The following MCC variants were observed in gnomAD, a reference collection of about 807,000 sequenced individuals.
MCC encodes the protein MCC regulator of Wnt signaling pathway.
A neutral mutation model predicts 116.2 loss-of-function variants in MCC; 90 were observed. The observed-to-expected ratio is 0.77, with a 90% CI of 0.65 to 0.92. The LOEUF is 0.92. MCC is among the 40% of genes least tolerant of loss of function. The probability of loss-of-function intolerance (pLI) is 0.00; values close to 1 mark genes in which losing one functional copy is unlikely to be tolerated. For missense variants in MCC, 1,516 were observed against 1,312.2 expected (o/e 1.16, Z -2.40); for synonymous variants, 578 against 510.5 (o/e 1.13, Z -1.78).
At chr5:113,140,870 G>A (rs1759137070) in intron 5 of MCC, among the ~76,000 whole-genome samples, 1 of 152,134 alleles carries the variant, frequency 6.6e-6, no homozygotes, top group African/African-American at 2.4e-5. Flanking sequence ...ACTGCATTTG[G>A]CCCATCACAG....
At chr5:113,433,447 G>A in intron 1 of MCC, 1 of 608,328 alleles carries the variant, frequency 1.6e-6, no homozygotes, top group South Asian at 1.9e-5. Flanking sequence ...GTTGCGGCCA[G>A]TGGGGACCCT....
chr5:113,334,669 C>A (rs1767828205), intron 3 of MCC, among the ~76,000 whole-genome samples: 1 of 146,872 alleles, frequency 6.8e-6, no homozygotes, highest in African/African-American at 2.6e-5. Flanking sequence ...CAGCTCACTG[C>A]AACCTCCGCC....
chr5:113,150,713 C>G (rs4705797), intron 4 of MCC, among the ~76,000 whole-genome samples: 73,113 of 151,878 alleles, frequency 0.48, 19,887 homozygotes, highest in East Asian at 0.67. Context: ...ATGTAACATA[C>G]AAATGATAGA....
intron 17 of MCC, among the ~76,000 whole-genome samples, chr5:113,034,824 T>C (rs909735129): frequency 6.6e-5 from 10 of 152,350 alleles, no homozygotes; most frequent in African/African-American, 2.4e-4. Flanking sequence ...CCGCATCACC[T>C]GCAGGGCTGA....
intron 3 of MCC, among the ~76,000 whole-genome samples, chr5:113,221,450 A>G (rs1763548940): frequency 6.6e-6 from 1 of 152,214 alleles, no homozygotes; most frequent in Non-Finnish European, 1.5e-5. Flanking sequence ...TTCCCAAAAC[A>G]ATTCCCCTTC....
intron 1 of MCC, among the ~76,000 whole-genome samples, chr5:113,386,084 A>C (rs1769248267): frequency 6.6e-6 from 1 of 152,182 alleles, no homozygotes; most frequent in African/African-American, 2.4e-5. Context: ...TTTTCTCTCT[A>C]CCTAACCTCC....
chr5:113,409,186 A>T (rs528319969), intron 1 of MCC, among the ~76,000 whole-genome samples: 3 of 152,284 alleles, frequency 2.0e-5, no homozygotes, highest in Admixed American at 2.0e-4. Context: ...TGTAAAATGC[A>T]TATTAGCACT....
At chr5:113,128,092 A>C (rs2150274699) in intron 5 of MCC, among the ~76,000 whole-genome samples, 1 of 152,384 alleles carries the variant, frequency 6.6e-6, no homozygotes, top group East Asian at 1.9e-4. Context: ...AGTCAATGGA[A>C]GTATAATTCT....
intron 2 of MCC, among the ~76,000 whole-genome samples, chr5:113,370,548 T>C (rs1768813145): frequency 6.6e-6 from 1 of 152,196 alleles, no homozygotes; most frequent in Non-Finnish European, 1.5e-5. Context: ...AAGCAAGAGA[T>C]GAAGGCTCAG....
chr5:113,485,553 C>A (rs990559735), intron 1 of MCC, among the ~76,000 whole-genome samples: 2 of 151,524 alleles, frequency 1.3e-5, no homozygotes, highest in African/African-American at 2.4e-5. Flanking sequence ...TTTCCACTTC[C>A]TTTTACATCT....
At chr5:113,177,166 A>G (rs574246341) in intron 3 of MCC, among the ~76,000 whole-genome samples, 2 of 151,872 alleles carry the variant, frequency 1.3e-5, no homozygotes, top group Non-Finnish European at 2.9e-5. Flanking sequence ...TCTCCTATGT[A>G]GCCTCCTAGT....
At chr5:113,254,429 A>C (rs1263838718) in intron 3 of MCC, among the ~76,000 whole-genome samples, 1 of 152,260 alleles carries the variant, frequency 6.6e-6, no homozygotes, top group Non-Finnish European at 1.5e-5. Flanking sequence ...CAGTTAGTTC[A>C]TAACGCATTC....
At chr5:113,286,357 A>C (rs1405427936) in intron 3 of MCC, among the ~76,000 whole-genome samples, 2 of 152,212 alleles carry the variant, frequency 1.3e-5, no homozygotes, top group African/African-American at 2.4e-5. Context: ...CTGCAAGGCC[A>C]TCTTTTCCCT....
At chr5:113,313,492 T>C (rs1767189371) in intron 3 of MCC, among the ~76,000 whole-genome samples, 1 of 152,092 alleles carries the variant, frequency 6.6e-6, no homozygotes, top group Non-Finnish European at 1.5e-5. Context: ...TCATATCTGA[T>C]AGCGGTGGTT....
intron 3 of MCC, among the ~76,000 whole-genome samples, chr5:113,152,757 A>C (rs561212600): frequency 6.6e-6 from 1 of 152,314 alleles, no homozygotes; most frequent in Admixed American, 6.5e-5. Flanking sequence ...TTAGACTCTA[A>C]TAGCAGTAAA....
chr5:113,050,972 G>C (rs1454139545), intron 15 of MCC, among the ~76,000 whole-genome samples: 1 of 152,248 alleles, frequency 6.6e-6, no homozygotes, highest in African/African-American at 2.4e-5. Context: ...CCTTTCTGGA[G>C]ATGTGACAAG....
intron 7 of MCC, among the ~76,000 whole-genome samples, chr5:113,102,356 A>G (rs541020227): frequency 2.6e-5 from 4 of 152,386 alleles, no homozygotes; most frequent in African/African-American, 9.6e-5. Context: ...TAAACTGCAT[A>G]CAAAATCTAA....
At chr5:113,384,370 C>T (rs556948135) in intron 2 of MCC, among the ~76,000 whole-genome samples, 38 of 152,258 alleles carry the variant, frequency 2.5e-4, no homozygotes, top group African/African-American at 8.2e-4. Flanking sequence ...AGGTGGATCA[C>T]GAGGTCAGGA....
At chr5:113,272,936 G>T (rs564380055) in intron 3 of MCC, among the ~76,000 whole-genome samples, 41 of 152,314 alleles carry the variant, frequency 2.7e-4, no homozygotes, top group African/African-American at 8.7e-4. Flanking sequence ...ACGTAATAAT[G>T]TTGACTAAAT....
Sources: gnomAD v4.1 joint callset for allele counts (sites outside exome capture counted in the v4.1 genomes callset) on GRCh38, gnomAD v4.1.1 for gene constraint, MANE v1.5 for transcripts, NCBI Gene and HGNC (gene_info 2026-07-23, HGNC 2026-07-21) for gene names.